The following NTRK3 variants were observed in gnomAD, a reference collection of about 807,000 sequenced individuals.
The protein encoded by NTRK3 is NT-3 growth factor receptor.
NTRK3 carries 24 observed loss-of-function variants against 91.7 expected under a neutral mutation model. That is an observed-to-expected ratio of 0.26 (90% CI 0.19 to 0.37). The LOEUF (loss-of-function observed/expected upper bound fraction) is 0.37, where lower values mean the gene tolerates loss of function less well. NTRK3 is among the 10% of genes least tolerant of loss of function. NTRK3 has a pLI of 1.00. For missense variants in NTRK3, 880 were observed against 1,068.9 expected (o/e 0.82, Z 2.46); for synonymous variants, 483 against 404.0 (o/e 1.20, Z -2.34).
At chr15:88,214,068 G>A (rs1328261324) in intron 3 of NTRK3, among the ~76,000 whole-genome samples, 1 of 136,408 alleles carries the variant, frequency 7.3e-6, no homozygotes, top group Non-Finnish European at 1.6e-5. Flanking sequence ...GACAGAATGA[G>A]ACTCTGTCTC....
At chr15:88,109,320 G>A (rs1265325758) in intron 13 of NTRK3, among the ~76,000 whole-genome samples, 2 of 152,184 alleles carry the variant, frequency 1.3e-5, no homozygotes, top group Non-Finnish European at 2.9e-5. Context: ...GCAGGAGGGA[G>A]AGAAGAGGGG....
At chr15:87,967,505 TTCCTTAAACAAG>T (rs2072893864) in intron 14 of NTRK3, among the ~76,000 whole-genome samples, 1 of 152,160 alleles carries the variant, frequency 6.6e-6, no homozygotes, top group East Asian at 1.9e-4. Context: ...GCCTCACATG[TTCCTTAAACAAG>T]TCCAAATGTG....
intron 14 of NTRK3, among the ~76,000 whole-genome samples, chr15:87,962,405 C>T (rs1348746811): frequency 6.6e-6 from 1 of 152,174 alleles, no homozygotes; most frequent in African/African-American, 2.4e-5. Context: ...ACTAAAGACC[C>T]TGTTTGTTAG....
intron 14 of NTRK3, among the ~76,000 whole-genome samples, chr15:88,013,753 G>A (rs1458871753): frequency 1.3e-5 from 2 of 152,154 alleles, no homozygotes; most frequent in African/African-American, 4.8e-5. Context: ...TATAAATCTA[G>A]CACTTTGGGG....
At chr15:88,093,230 T>G (rs1433958247) in intron 13 of NTRK3, among the ~76,000 whole-genome samples, 2 of 152,112 alleles carry the variant, frequency 1.3e-5, no homozygotes, top group African/African-American at 4.8e-5. Flanking sequence ...GGAACTTCAA[T>G]TTGGATCACA....
chr15:88,164,160 G>T (rs1597701208), intron 5 of NTRK3, among the ~76,000 whole-genome samples: 1 of 152,152 alleles, frequency 6.6e-6, no homozygotes, highest in East Asian at 1.9e-4. Flanking sequence ...TGTCCAAAAA[G>T]GATTACTTCT....
chr15:87,894,772 A>G (rs974119922), intron 17 of NTRK3, among the ~76,000 whole-genome samples: 2 of 152,170 alleles, frequency 1.3e-5, no homozygotes, highest in Admixed American at 6.5e-5. Context: ...TCTTAGAAAT[A>G]GCAGCCTGGT....
intron 3 of NTRK3, among the ~76,000 whole-genome samples, chr15:88,199,729 C>T (rs16941424): frequency 0.18 from 27,507 of 152,158 alleles, 2,854 homozygotes; most frequent in African/African-American, 0.28. Flanking sequence ...ACTCCAGCAC[C>T]GGGGAAAGTG....
chr15:88,167,556 T>A (rs60886789), intron 5 of NTRK3, among the ~76,000 whole-genome samples: 2,714 of 152,298 alleles, frequency 0.018, 68 homozygotes, highest in African/African-American at 0.061. Flanking sequence ...TATTATAGCA[T>A]ATTAAATAAG....
At chr15:87,945,106 C>T (rs1393714683) in intron 14 of NTRK3, among the ~76,000 whole-genome samples, 1 of 152,108 alleles carries the variant, frequency 6.6e-6, no homozygotes, top group Non-Finnish European at 1.5e-5. Context: ...GGATGAATAC[C>T]CCAGGCCGTG....
rs140007526 is a variant in NTRK3 at position 87,987,525 on chromosome 15, A to ATGTG, written c.1585+45328_1585+45331dup. ...GACATAGATATATATAGATAGATAG[A>ATGTG]TGTGTGTGTGTGTGTGTGTGTGTAG... On this transcript the variant is annotated intron_variant, in intron 14 of 18. Coordinates refer to ENST00000394480, the Ensembl canonical transcript of NTRK3. Among the ~76,000 whole-genome samples, 300 of 148,420 alleles carry ATGTG rather than the reference A, an allele frequency of 2.0e-3. 1 individual carries two copies. Among genetic ancestry groups the ATGTG allele is most frequent in the African/African-American group, 6.8e-3 (276 of 40,606 alleles).
intron 13 of NTRK3, among the ~76,000 whole-genome samples, chr15:88,052,144 AATGT>A (rs1197982318): frequency 5.3e-5 from 8 of 152,226 alleles, no homozygotes; most frequent in African/African-American, 1.9e-4. Context: ...ATAAAGGGGA[AATGT>A]ATTATAGAAT....
At position 88,049,363 on chromosome 15, in the gene NTRK3, T is replaced by C. The variant is rs150629106; in HGVS notation, c.1397-16318A>G. Among the ~76,000 whole-genome samples, 1,057 of 152,322 alleles carry C rather than the reference T, an allele frequency of 6.9e-3. 28 individuals are homozygous for C. The highest frequency in any genetic ancestry group is 0.044 in the Admixed American group (674 of 15,304). ...TTTAAGCAGGTTTGCTTTATTATTT[T>C]TTAATTGCTTAACAATATTGTTTGT... On this transcript the variant is annotated intron_variant, in intron 13 of 18. Transcript: ENST00000394480.
At position 87,917,924 on chromosome 15, in the gene NTRK3, C is replaced by A. The variant is rs146942168; in HGVS notation, c.2133+11267G>T. On this transcript the variant is annotated intron_variant, in intron 17 of 18. Coordinates refer to ENST00000394480, the Ensembl canonical transcript of NTRK3. Reference sequence around the variant, plus strand: ...TCTCTTTTCTTTATAAATTACATAGCCACAAGTGTTTTTTATAGCACCTCA... The same window carrying A: ...TCTCTTTTCTTTATAAATTACATAGACACAAGTGTTTTTTATAGCACCTCA... Among the ~76,000 whole-genome samples, 62 of 152,278 alleles carry A rather than the reference C, an allele frequency of 4.1e-4. No homozygotes were observed. In the Middle Eastern group the frequency reaches 0.02, roughly 50 times the overall value.
At chr15:87,876,859 G>A (rs1176503992) in exon 19 of NTRK3, 2 of 1,514,676 alleles carry the variant, frequency 1.3e-6, no homozygotes, top group Admixed American at 3.3e-5. Flanking sequence ...GATGGAAGGA[G>A]TTGTGAGGTG....
intron 5 of NTRK3, among the ~76,000 whole-genome samples, chr15:88,159,027 G>A (rs1236640705): frequency 1.3e-5 from 2 of 152,236 alleles, no homozygotes; most frequent in Non-Finnish European, 2.9e-5. Context: ...CCCCCGGGCT[G>A]AGAGAGAGCT....
intron 13 of NTRK3, among the ~76,000 whole-genome samples, chr15:88,065,016 A>G (rs2046526247): frequency 1.3e-5 from 2 of 152,146 alleles, no homozygotes; most frequent in Admixed American, 1.3e-4. Context: ...GCTTGATAAC[A>G]AGTTTTTGTA....
chr15:88,250,906 G>T (rs1037612456), intron 3 of NTRK3, among the ~76,000 whole-genome samples: 1 of 152,184 alleles, frequency 6.6e-6, no homozygotes, highest in Non-Finnish European at 1.5e-5. Context: ...AAAATAATTT[G>T]CAATAGAAGT....
intron 11 of NTRK3, 82 bp from the exon 12 acceptor site, chr15:88,127,308 A>G: frequency 1.8e-6 from 2 of 1,131,294 alleles, no homozygotes; most frequent in South Asian, 2.6e-5. Flanking sequence ...CCAACTCCCA[A>G]GCTCCCTTGA....
Sources: gnomAD v4.1 joint callset for allele counts (sites outside exome capture counted in the v4.1 genomes callset) on GRCh38, gnomAD v4.1.1 for gene constraint, MANE v1.5 for transcripts, NCBI Gene and HGNC (gene_info 2026-07-23, HGNC 2026-07-21) for gene names.